The following EFHC2 variants were observed in gnomAD, a reference collection of about 807,000 sequenced individuals.
The protein encoded by EFHC2 is EF-hand domain-containing family member C2.
Under a neutral mutation model 52.7 loss-of-function variants are expected in EFHC2, and 18 were observed. The ratio of observed to expected loss-of-function variants is 0.34; its 90% CI spans 0.24 to 0.51. EFHC2 has a LOEUF of 0.51. Among genes scored for constraint, EFHC2 ranks in the 20% least tolerant of loss-of-function variants. The pLI is 0.97. For synonymous variants in EFHC2, 203 were observed against 204.1 expected (o/e 0.99, Z 0.04); for missense variants, 513 against 562.5 (o/e 0.91, Z 0.89).
chrX:44,181,296 T>C (rs2036833797), intron 11 of EFHC2, among the ~76,000 whole-genome samples: 1 of 110,536 alleles, frequency 9.0e-6, no homozygotes, highest in Non-Finnish European at 1.9e-5. Flanking sequence ...AAAAAGTATT[T>C]CCATTTTTTC....
intron 11 of EFHC2, among the ~76,000 whole-genome samples, chrX:44,199,968 C>T (rs1022276831): frequency 1.8e-5 from 2 of 111,863 alleles, no homozygotes; most frequent in Non-Finnish European, 3.8e-5. Flanking sequence ...TAACATGAAA[C>T]AACTACTAAA....
rs2036543257 is a variant in EFHC2, at chrX:44,148,669, G to A, written c.*126C>T. 3.6e-6 allele frequency: 2 copies of A among 562,618 alleles called. No individual in the cohort carries two copies. The highest frequency in any genetic ancestry group is 2.4e-5 in the African/African-American group (1 of 41,692). 46.4% of individuals were successfully genotyped at this position (562,618 alleles called of 1,213,427 possible). ...AACATGACAAAATAGGATTAATTGT[G>A]GTTTATGGATTTCCATTTAATATAA... On this transcript the variant is annotated 3_prime_UTR_variant, in exon 15 of 15. Coordinates refer to ENST00000420999, the MANE Select transcript of EFHC2 (RefSeq NM_025184.4).
chrX:44,300,443 G>A (rs1032194386), intron 2 of EFHC2, among the ~76,000 whole-genome samples: 2 of 111,180 alleles, frequency 1.8e-5, no homozygotes, highest in African/African-American at 6.6e-5. Flanking sequence ...TTCTGTTTAA[G>A]CCACCCAGTC....
At chrX:44,225,530 A>T (rs1029350745) in intron 11 of EFHC2, among the ~76,000 whole-genome samples, 2 of 112,156 alleles carry the variant, frequency 1.8e-5, no homozygotes, top group African/African-American at 6.5e-5. Context: ...GTATGCTGAG[A>T]GTGCCAGGTA....
chrX:44,248,875 A>C lies in EFHC2; in HGVS notation c.900T>G (p.Asp300Glu). ...CACCATATGAATTGAGAACTGCTCG[A>C]TCTGTTATCTGGCCTGGTTGATAGA... ...PRVYQPGQITDRAVLNSYGDF... is the reference protein window; with the variant it reads ...PRVYQPGQITERAVLNSYGDF... Residue 300 changes from aspartate to glutamate, a missense_variant, in exon 6 of 15, where the codon GAT becomes GAG. Coordinates refer to ENST00000420999, the MANE Select transcript of EFHC2 (RefSeq NM_025184.4). 8.3e-7 allele frequency: 1 copy of C among 1,208,284 alleles called. No individual in the cohort carries two copies.
chrX:44,239,144 A>G (rs1202934862), intron 8 of EFHC2, among the ~76,000 whole-genome samples: 3 of 111,845 alleles, frequency 2.7e-5, no homozygotes, highest in Admixed American at 9.4e-5. Flanking sequence ...TTAAAAGAAG[A>G]AAAAAAATGA....
chrX:44,168,457 G>T (rs991409519), intron 13 of EFHC2, among the ~76,000 whole-genome samples: 1 of 110,306 alleles, frequency 9.1e-6, no homozygotes, highest in Non-Finnish European at 1.9e-5. Flanking sequence ...GCGTGAACCC[G>T]GGAGGCGGAG....
At chrX:44,198,580 C>G (rs2036982783) in intron 11 of EFHC2, among the ~76,000 whole-genome samples, 1 of 111,388 alleles carries the variant, frequency 9.0e-6, no homozygotes, top group South Asian at 3.8e-4. Context: ...ACTCACACTC[C>G]TGGCTGAGCT....
chrX:44,310,295 T>G (rs2037937940), intron 2 of EFHC2: 4 of 1,020,446 alleles, frequency 3.9e-6, no homozygotes, highest in Non-Finnish European at 5.5e-6. Flanking sequence ...GGGCAGCTGC[T>G]TTAGTTTTCG....
At chrX:44,265,637 T>C in intron 3 of EFHC2, among the ~76,000 whole-genome samples, 1 of 111,491 alleles carries the variant, frequency 9.0e-6, no homozygotes, top group Non-Finnish European at 1.9e-5. Flanking sequence ...TACATCCAAG[T>C]CTAAAGGCAG....
chrX:44,150,584 T>C (rs1432174966), intron 14 of EFHC2, among the ~76,000 whole-genome samples: 1 of 111,746 alleles, frequency 8.9e-6, no homozygotes, highest in African/African-American at 3.3e-5. Flanking sequence ...ACTTGCTGGA[T>C]GTACAGAGAA....
At chrX:44,258,236 T>C (rs2037508210) in intron 4 of EFHC2, among the ~76,000 whole-genome samples, 2 of 111,641 alleles carry the variant, frequency 1.8e-5, no homozygotes, top group African/African-American at 6.5e-5. Context: ...AAAGACTTCA[T>C]GACTAAAATA....
At chrX:44,242,393 G>T in intron 7 of EFHC2, 104 bp from the exon 8 acceptor site, 1 of 906,155 alleles carries the variant, frequency 1.1e-6, no homozygotes, top group Non-Finnish European at 1.5e-6. Flanking sequence ...GGAGATCTTT[G>T]TAGACTATTT....
intron 11 of EFHC2, among the ~76,000 whole-genome samples, chrX:44,195,718 T>C (rs747918833): frequency 9.0e-6 from 1 of 111,088 alleles, no homozygotes; most frequent in Admixed American, 9.6e-5. Flanking sequence ...GGGAATACTG[T>C]CAGAAACAGC....
At chrX:44,298,873 A>AG (rs1422904709) in intron 2 of EFHC2, among the ~76,000 whole-genome samples, 7 of 107,086 alleles carry the variant, frequency 6.5e-5, no homozygotes, top group African/African-American at 2.4e-4. Context: ...AAAAAAAAAA[A>AG]AAAAAAAAAA....
At chrX:44,317,678 C>T (rs946486845) in intron 1 of EFHC2, among the ~76,000 whole-genome samples, 16 of 112,796 alleles carry the variant, frequency 1.4e-4, no homozygotes, top group Non-Finnish European at 2.2e-4. Context: ...CCCAGCTACT[C>T]GGGAGGCTGA....
chrX:44,306,232 C>A (rs965451018), intron 2 of EFHC2, among the ~76,000 whole-genome samples: 3 of 111,369 alleles, frequency 2.7e-5, no homozygotes, highest in African/African-American at 9.8e-5. Flanking sequence ...CCTTGCCAAT[C>A]AACTCAATAA....
At chrX:44,196,284 C>T (rs1449329945) in intron 11 of EFHC2, among the ~76,000 whole-genome samples, 1 of 111,861 alleles carries the variant, frequency 8.9e-6, no homozygotes, top group African/African-American at 3.3e-5. Flanking sequence ...CTAGGAAGCT[C>T]AGAGCCAGGC....
intron 11 of EFHC2, among the ~76,000 whole-genome samples, chrX:44,187,970 G>GTTTT (rs11405024): frequency 1.1e-5 from 1 of 91,975 alleles, no homozygotes; most frequent in Non-Finnish European, 2.1e-5. Flanking sequence ...AAAAAAAAGT[G>GTTTT]TTTTTTTTTT....
Sources: gnomAD v4.1 joint callset for allele counts (sites outside exome capture counted in the v4.1 genomes callset) on GRCh38, gnomAD v4.1.1 for gene constraint, MANE v1.5 for transcripts, NCBI Gene and HGNC (gene_info 2026-07-23, HGNC 2026-07-21) for gene names.